Variants in DZIP1 observed in about 807,000 individuals in gnomAD.
DZIP1 encodes cilium assembly protein DZIP1.
A neutral mutation model predicts 107.6 loss-of-function variants in DZIP1; 97 were observed. The ratio of observed to expected loss-of-function variants is 0.90; its 90% CI spans 0.77 to 1.07. The LOEUF is 1.07. Among genes scored for constraint, DZIP1 ranks in the 50% least tolerant of loss-of-function variants. The pLI, the probability that DZIP1 is intolerant of heterozygous loss-of-function variation, is 0.00. For missense variants in DZIP1, 1,035 were observed against 1,063.6 expected (o/e 0.97, Z 0.37); for synonymous variants, 390 against 386.4 (o/e 1.01, Z -0.11).
chr13:95,632,927 A>G (rs1252941592), intron 6 of DZIP1, among the ~76,000 whole-genome samples: 2 of 152,142 alleles, frequency 1.3e-5, no homozygotes, highest in Admixed American at 6.5e-5. Flanking sequence ...CGCATTTGCC[A>G]CCATTTGAGA....
At position 95,641,820 on chromosome 13, in the gene DZIP1, G is replaced by C. The variant is rs1378714230; in HGVS notation, c.72C>G (p.Ser24Arg). 2 of 1,469,222 alleles carry C rather than the reference G, an allele frequency of 1.4e-6. No individual in the cohort carries two copies. Among genetic ancestry groups the C allele is most frequent in the African/African-American group, 1.5e-5 (1 of 68,242 alleles). 91.0% of individuals were successfully genotyped at this position (1,469,222 alleles called of 1,614,324 possible). Residue 24 changes from serine to arginine, a missense_variant, in exon 5 of 23, where the codon AGC becomes AGG. Coordinates refer to ENST00000376829, the MANE Select transcript of DZIP1 (RefSeq NM_198968.4). This position sits in a 1 kb window ranked among gnomAD's most constrained non-coding sequence, Gnocchi z 4.3. Reference sequence around the variant, plus strand: ...CAGCGACGTCGGGCCCCTCTGGGCCGCTGGCGAGCGGGTAGTAGACATGCT... The same window carrying C: ...CAGCGACGTCGGGCCCCTCTGGGCCCCTGGCGAGCGGGTAGTAGACATGCT... ...FQKHVYYPLA[S>R]GPEGPDVAVA...
chr13:95,582,291 G>A lies in DZIP1; in HGVS notation c.2547C>T (p.Ser849=). Reference sequence around the variant, plus strand: ...CAGTTACTAAGCTGCTTTTTAATGTGCTTGATTCATTTTCTTGAAGTCCTG... The same window carrying A: ...CAGTTACTAAGCTGCTTTTTAATGTACTTGATTCATTTTCTTGAAGTCCTG... ...KGEGLQENES[S]TLKSSLVTVT... is the part of the protein sequence containing the mutation. The change falls in exon 23 of 23, where the codon AGC becomes AGT. Residue 849 remains serine, a synonymous_variant. Coordinates refer to ENST00000376829, the MANE Select transcript of DZIP1 (RefSeq NM_198968.4). 1 of 1,614,134 alleles carries A rather than the reference G, an allele frequency of 6.2e-7. No homozygotes were observed.
At chr13:95,614,992 C>A (rs1259403304) in intron 10 of DZIP1, among the ~76,000 whole-genome samples, 2 of 152,078 alleles carry the variant, frequency 1.3e-5, no homozygotes, top group East Asian at 3.9e-4. Context: ...GATTACTAAA[C>A]CTGATTGAAT....
chr13:95,613,481 C>T (rs2045080297), intron 10 of DZIP1, among the ~76,000 whole-genome samples: 1 of 151,544 alleles, frequency 6.6e-6, no homozygotes, highest in Admixed American at 6.6e-5. Context: ...CTTTGCACTC[C>T]AGCCTGGGTG....
At chr13:95,589,518 A>T (rs2044253898) in intron 18 of DZIP1, among the ~76,000 whole-genome samples, 1 of 152,146 alleles carries the variant, frequency 6.6e-6, no homozygotes, top group Non-Finnish European at 1.5e-5. Flanking sequence ...GGTCATGTGG[A>T]TGGGGGCCCC....
chr13:95,619,974 T>G (rs760830524), intron 9 of DZIP1, 27 bp from the exon 10 acceptor site: 2 of 1,611,044 alleles, frequency 1.2e-6, no homozygotes, highest in Non-Finnish European at 1.7e-6. Context: ...GAATAATTTA[T>G]GTACAACTGT....
chr13:95,586,280 C>A, intron 20 of DZIP1, 144 bp from the exon 21 acceptor site: 1 of 644,842 alleles, frequency 1.6e-6, no homozygotes, highest in East Asian at 3.4e-5. Context: ...AGTTGATGTA[C>A]TTTGGGGTTA....
intron 7 of DZIP1, among the ~76,000 whole-genome samples, chr13:95,628,053 T>G (rs1180462239): frequency 6.6e-6 from 1 of 152,088 alleles, no homozygotes; most frequent in Non-Finnish European, 1.5e-5. Context: ...CATTACTTTT[T>G]TTTTTTCAGA....
intron 7 of DZIP1, among the ~76,000 whole-genome samples, chr13:95,628,603 A>C (rs1443911145): frequency 6.6e-6 from 1 of 152,234 alleles, no homozygotes; most frequent in Non-Finnish European, 1.5e-5. Context: ...AGCATCAGTC[A>C]TAATAGTTAA....
At chr13:95,610,111 T>TGAGAGAGAGAGAGAGAGAGA (rs1555308785) in intron 12 of DZIP1, among the ~76,000 whole-genome samples, 1 of 126,666 alleles carries the variant, frequency 7.9e-6, no homozygotes. Flanking sequence ...TGTGTGTGTG[T>TGAGAGAGAGAGAGAGAGAGA]GAGAGAGAGA....
intron 9 of DZIP1, among the ~76,000 whole-genome samples, chr13:95,621,226 G>C (rs1221371040): frequency 6.6e-6 from 1 of 152,174 alleles, no homozygotes; most frequent in African/African-American, 2.4e-5. Flanking sequence ...CCAGAACCGA[G>C]GAAAAAGACA....
At chr13:95,588,598 A>G (rs777337104) in intron 19 of DZIP1, among the ~76,000 whole-genome samples, 21 of 152,202 alleles carry the variant, frequency 1.4e-4, no homozygotes, top group Admixed American at 7.2e-4. Flanking sequence ...ATTCCATATT[A>G]CAGATAAGGA....
intron 10 of DZIP1, among the ~76,000 whole-genome samples, chr13:95,616,979 G>A (rs1379953770): frequency 1.3e-5 from 2 of 152,042 alleles, no homozygotes; most frequent in Non-Finnish European, 2.9e-5. Context: ...AGGCCGAGGC[G>A]GGTAGATCAC....
At chr13:95,628,417 G>A (rs1374445924) in intron 7 of DZIP1, among the ~76,000 whole-genome samples, 4 of 152,176 alleles carry the variant, frequency 2.6e-5, no homozygotes, top group African/African-American at 9.7e-5. Flanking sequence ...GTTACCAGGA[G>A]ATGAGGGTAG....
intron 14 of DZIP1, among the ~76,000 whole-genome samples, chr13:95,603,192 C>A (rs1429449566): frequency 6.6e-6 from 1 of 151,018 alleles, no homozygotes; most frequent in African/African-American, 2.4e-5. Flanking sequence ...TGGTGGTGCA[C>A]CCCTGCAGTC....
At chr13:95,629,290 TGACCCACAGA>T (rs1215641631) in intron 7 of DZIP1, among the ~76,000 whole-genome samples, 1 of 152,254 alleles carries the variant, frequency 6.6e-6, no homozygotes, top group African/African-American at 2.4e-5. Flanking sequence ...GTACCCACAG[TGACCCACAGA>T]AGTCAGAACT....
chr13:95,606,901 G>A (rs1008172041), intron 13 of DZIP1, among the ~76,000 whole-genome samples: 1 of 152,124 alleles, frequency 6.6e-6, no homozygotes, highest in African/African-American at 2.4e-5. Context: ...TTATCTGAAA[G>A]TCCTCTCTGG....
intron 9 of DZIP1, among the ~76,000 whole-genome samples, 171 bp from the exon 10 acceptor site, chr13:95,620,118 G>A (rs1215374233): frequency 6.6e-6 from 1 of 152,192 alleles, no homozygotes; most frequent in Non-Finnish European, 1.5e-5. Flanking sequence ...TGTGTTGAAG[G>A]AAGGGCCTGG....
At chr13:95,608,021 T>C (rs1439171932) in intron 13 of DZIP1, among the ~76,000 whole-genome samples, 1 of 152,234 alleles carries the variant, frequency 6.6e-6, no homozygotes, top group Non-Finnish European at 1.5e-5. Context: ...TTAGAATGTA[T>C]GTTTTCTTTT....
Sources: gnomAD v4.1 joint callset for allele counts (sites outside exome capture counted in the v4.1 genomes callset) on GRCh38, gnomAD v4.1.1 for gene constraint, Gnocchi (gnomAD v3.1) non-coding constraint, MANE v1.5 for transcripts, NCBI Gene and HGNC (gene_info 2026-07-23, HGNC 2026-07-21) for gene names.